Variants in ANKRD26 observed in about 807,000 individuals in gnomAD.
The protein encoded by ANKRD26 is ankyrin repeat domain 26.
Under a neutral mutation model 208.7 loss-of-function variants are expected in ANKRD26, and 141 were observed. The observed-to-expected ratio is 0.68, with a 90% CI of 0.59 to 0.78. The LOEUF (loss-of-function observed/expected upper bound fraction) is 0.78. ANKRD26 is among the 30% of genes least tolerant of loss of function. The pLI is 0.00. For missense variants in ANKRD26, 1,889 were observed against 1,938.7 expected, an observed-to-expected ratio of 0.97 and a Z score of 0.48; for synonymous variants, 636 against 660.4, an observed-to-expected ratio of 0.96 and a Z score of 0.57.
intron 21 of ANKRD26, 51 bp downstream of exon 21, chr10:27,039,914 A>G (rs751422353): frequency 1.1e-5 from 17 of 1,523,864 alleles, no homozygotes; most frequent in South Asian, 2.2e-5. Flanking sequence ...AGAATTCTAT[A>G]TATCTTTAGT....
At chr10:27,034,178 G>A (rs142838667) in intron 24 of ANKRD26, among the ~76,000 whole-genome samples, 95 of 152,230 alleles carry the variant, frequency 6.2e-4, no homozygotes, top group Non-Finnish European at 1.1e-3. Context: ...CCAAATTATG[G>A]TTTAATAAAA....
chr10:27,057,802 T>G (rs1438376312), intron 15 of ANKRD26, among the ~76,000 whole-genome samples: 1 of 152,042 alleles, frequency 6.6e-6, no homozygotes, highest in Non-Finnish European at 1.5e-5. Context: ...CTGGCCTTGT[T>G]GGCGCGCGCC....
At chr10:26,985,707 T>G (rs1039029928) in intron 3 of ANKRD26, among the ~76,000 whole-genome samples, 1 of 152,164 alleles carries the variant, frequency 6.6e-6, no homozygotes, top group African/African-American at 2.4e-5. Context: ...TCTTGTCCAT[T>G]TTTTATGGGT....
rs779212345 is a variant in ANKRD26, at chr10:27,040,125, A to G, written c.2215T>C (p.Leu739=). Residue 739 remains leucine (L), a synonymous_variant, in exon 21 of 34, where the codon TTA becomes CTA. Coordinates refer to ENST00000376087, the MANE Select transcript of ANKRD26 (RefSeq NM_014915.3). The stretch of plus-strand genomic sequence containing the variant: ...TCACAGTGATTTTTTTTAAGTTCTA[A>G]TAATCTTTCACATGAAAGAGCTGCA... ...QDAALSCERL[L]ELKKNHCELL... 6.2e-7 allele frequency: 1 copy of G among 1,613,100 alleles called. No homozygotes were observed. Among genetic ancestry groups the G allele is most frequent in the South Asian group, 1.1e-5 (1 of 91,046 alleles).
chr10:27,047,089 T>C (rs2054474437), intron 17 of ANKRD26, among the ~76,000 whole-genome samples: 2 of 152,236 alleles, frequency 1.3e-5, no homozygotes, highest in Non-Finnish European at 2.9e-5. Flanking sequence ...TCTTTAGACA[T>C]GGAAGTAGCA....
chr10:26,972,874 A>G (rs895201848), downstream of ANKRD26, among the ~76,000 whole-genome samples: 4 of 151,998 alleles, frequency 2.6e-5, no homozygotes, highest in African/African-American at 7.2e-5. Flanking sequence ...ACAGGCCTGA[A>G]CCACCATACC....
downstream of ANKRD26, among the ~76,000 whole-genome samples, chr10:26,970,793 G>C (rs1275174762): frequency 6.6e-6 from 1 of 152,208 alleles, no homozygotes; most frequent in Non-Finnish European, 1.5e-5. Context: ...GTTTATATCA[G>C]TTTCAATCAA....
chr10:26,978,793 G>A (rs1056586295), intron 5 of ANKRD26, among the ~76,000 whole-genome samples: 17 of 152,180 alleles, frequency 1.1e-4, no homozygotes, highest in Non-Finnish European at 1.5e-4. Flanking sequence ...AGTAATCACC[G>A]TTGGACAGAG....
Position 27,004,259 on chromosome 10 carries a change from C to G in ANKRD26, c.*1331G>C, listed in dbSNP as rs180923955. 2 of 151,956 alleles carry G rather than the reference C, an allele frequency of 1.3e-5. No homozygotes were observed. The highest frequency in any genetic ancestry group is 2.9e-5 in the Non-Finnish European group (2 of 67,952). The allele number at this position is 151,956 out of a possible 1,614,324, so 9.4% of individuals were successfully genotyped here. A position where few individuals can be genotyped will look rare whatever the true frequency, so the allele number is the denominator to read the frequency against. On this transcript the variant is annotated 3_prime_UTR_variant, in exon 34 of 34. Transcript: ENST00000376087. ...AATATCCAAAAATTATTTGTACTACCTCTTATAATCTTTCTGTAAGTCTGA... is the reference window on the plus strand; with the variant it reads ...AATATCCAAAAATTATTTGTACTACGTCTTATAATCTTTCTGTAAGTCTGA...
intron 33 of ANKRD26, among the ~76,000 whole-genome samples, 197 bp from the exon 34 acceptor site, chr10:27,005,920 A>G (rs543431246): frequency 2.0e-5 from 3 of 152,338 alleles, no homozygotes; most frequent in Admixed American, 2.0e-4. Flanking sequence ...TTGTGGTTAA[A>G]TATCAGAGCT....
chr10:27,006,856 C>T (rs1267453783), intron 33 of ANKRD26, 61 bp downstream of exon 33: 3 of 1,344,570 alleles, frequency 2.2e-6, no homozygotes, highest in Admixed American at 1.7e-5. Context: ...TCACGATTTA[C>T]AATTTATTTC....
At chr10:27,071,826 G>A (rs775999486) in intron 9 of ANKRD26, among the ~76,000 whole-genome samples, 16 of 152,130 alleles carry the variant, frequency 1.1e-4, no homozygotes, top group Non-Finnish European at 1.5e-4. Context: ...AACTCCCCCC[G>A]CGCTGGAGCT....
intron 15 of ANKRD26, among the ~76,000 whole-genome samples, chr10:27,059,497 T>C (rs1589302639): frequency 6.6e-6 from 1 of 152,324 alleles, no homozygotes; most frequent in South Asian, 2.1e-4. Context: ...ATGGGAACGA[T>C]AGCGAATTCA....
chr10:26,952,610 G>A, the ANKRD26 span, among the ~76,000 whole-genome samples: 2 of 151,984 alleles, frequency 1.3e-5, no homozygotes, highest in Non-Finnish European at 2.9e-5. Context: ...CAGCATAGGC[G>A]ACAAAGCGAG....
At chr10:27,071,592 T>C (rs952421072) in intron 9 of ANKRD26, among the ~76,000 whole-genome samples, 3 of 151,926 alleles carry the variant, frequency 2.0e-5, no homozygotes, top group African/African-American at 4.8e-5. Context: ...AAAGGCAAAA[T>C]AGTGTGTAGG....
chr10:27,093,752 G>A lies in ANKRD26; in HGVS notation c.290C>T (p.Thr97Ile). 6.2e-7 allele frequency: 1 copy of A among 1,614,218 alleles called. No individual in the cohort carries two copies. ...ACANGHPEVV[T>I]LLVDRKCQLN... ...CTGGCATTTTCTGTCCACCAGGAGAGTTACTACTTCTGGATGACCATTGGC... is the reference window on the plus strand; with the variant it reads ...CTGGCATTTTCTGTCCACCAGGAGAATTACTACTTCTGGATGACCATTGGC... Residue 97 changes from threonine (T) to isoleucine (I), a missense_variant, in exon 2 of 34, where the codon ACT becomes ATT. This residue lies in a region of ANKRD26 where 1,272 missense variants were observed against 1,273.8 expected (regional missense o/e 1.00). Coordinates refer to ENST00000376087, the MANE Select transcript of ANKRD26 (RefSeq NM_014915.3).
rs1460468975 is a variant in ANKRD26, at chr10:27,086,527, T to A, written c.709+12A>T. ...ACTATTACCAAGAGAAATTCACTATTGGAAGTCTTACCTGAATTACTATTT... is the reference window on the plus strand; with the variant it reads ...ACTATTACCAAGAGAAATTCACTATAGGAAGTCTTACCTGAATTACTATTT... On this transcript the variant is annotated intron_variant, in intron 5 of 33. Coordinates refer to ENST00000376087, the MANE Select transcript of ANKRD26 (RefSeq NM_014915.3). 1.9e-6 allele frequency: 3 copies of A among 1,604,948 alleles called. No individual in the cohort carries two copies. Among genetic ancestry groups the A allele is most frequent in the African/African-American group, 2.7e-5 (2 of 74,732 alleles).
At chr10:26,948,275 T>C in the ANKRD26 span, among the ~76,000 whole-genome samples, 1 of 152,194 alleles carries the variant, frequency 6.6e-6, no homozygotes, top group Non-Finnish European at 1.5e-5. Context: ...GGGTCCTGGG[T>C]AATTATAATC....
intron 11 of ANKRD26, 27 bp from the exon 12 acceptor site, chr10:27,064,108 T>C (rs2055158865): frequency 6.8e-7 from 1 of 1,468,614 alleles, no homozygotes; most frequent in African/African-American, 1.4e-5. Flanking sequence ...CAATAATGAG[T>C]TTCAATTTTA....
Sources: allele counts gnomAD v4.1 joint callset (sites outside exome capture counted in the v4.1 genomes callset), GRCh38; gene constraint gnomAD v4.1.1; regional missense constraint gnomAD v4.1.1; transcripts MANE v1.5; gene names NCBI Gene and HGNC (gene_info 2026-07-23, HGNC 2026-07-21).